The following TMEM108 variants were observed in gnomAD, a reference collection of about 807,000 sequenced individuals.
The protein encoded by TMEM108 is cancer/testis antigen 124.
TMEM108 carries 12 observed loss-of-function variants against 35.1 expected under a neutral mutation model. The observed-to-expected ratio is 0.34, with a 90% CI of 0.22 to 0.55. TMEM108 has a LOEUF of 0.55. Ranked by LOEUF, TMEM108 falls within the 20% of genes least tolerant of loss-of-function variation. TMEM108 has a pLI of 0.89. For missense variants in TMEM108, 680 were observed against 753.3 expected, an observed-to-expected ratio of 0.90 and a Z score of 1.14; for synonymous variants, 287 against 308.6, an observed-to-expected ratio of 0.93 and a Z score of 0.73.
intron 3 of TMEM108, among the ~76,000 whole-genome samples, chr3:133,241,702 G>A (rs1022776619): frequency 7.4e-6 from 1 of 135,276 alleles, no homozygotes; most frequent in African/African-American, 2.8e-5. Context: ...TGCAACCTCT[G>A]TCTCCCAGGT....
intron 2 of TMEM108, among the ~76,000 whole-genome samples, chr3:133,092,460 T>A (rs931090506): frequency 6.7e-6 from 1 of 149,830 alleles, no homozygotes; most frequent in African/African-American, 2.4e-5. Flanking sequence ...TAAAATATTA[T>A]AATAACTCAC....
rs115913412 is a variant in TMEM108 at position 133,039,651 on chromosome 3, A to G, written c.-166+1216A>G. Among the ~76,000 whole-genome samples the G allele has an allele frequency of 2.5e-3, 381 of 152,292 alleles. 1 individual carries two copies. Among genetic ancestry groups the G allele is most frequent in the Non-Finnish European group, 4.5e-3 (304 of 68,024 alleles). ...ACGGGTTAACTTCTTGATTTGTTGG[A>G]TACACCTGGTAATCTACTCTGTAAG... On this transcript the variant is annotated intron_variant, in intron 1 of 5. Coordinates refer to ENST00000321871, the MANE Select transcript of TMEM108 (RefSeq NM_023943.4).
intron 5 of TMEM108, 69 bp downstream of exon 5, chr3:133,390,403 C>G: frequency 6.4e-7 from 1 of 1,564,338 alleles, no homozygotes; most frequent in African/African-American, 1.4e-5. Context: ...GGGGCATCTG[C>G]TCATTTCTGA....
At chr3:133,280,043 GCCCCAAA>G (rs1946891264) in intron 3 of TMEM108, among the ~76,000 whole-genome samples, 1 of 152,090 alleles carries the variant, frequency 6.6e-6, no homozygotes, top group African/African-American at 2.4e-5. Flanking sequence ...CATGAAGGAA[GCCCCAAA>G]AGTTAGTGTC....
intron 3 of TMEM108, among the ~76,000 whole-genome samples, chr3:133,231,381 A>G (rs1946151197): frequency 6.6e-6 from 1 of 152,198 alleles, no homozygotes; most frequent in South Asian, 2.1e-4. Flanking sequence ...AGCAGGGCTT[A>G]GCAGAACCTA....
At chr3:133,159,907 T>G (rs570984483) in intron 2 of TMEM108, among the ~76,000 whole-genome samples, 2 of 152,304 alleles carry the variant, frequency 1.3e-5, no homozygotes, top group East Asian at 3.9e-4. Context: ...CTGCTTTGTT[T>G]AAGAGGACCC....
chr3:133,359,706 CATCT>C (rs1230886019), intron 3 of TMEM108, among the ~76,000 whole-genome samples: 1 of 152,130 alleles, frequency 6.6e-6, no homozygotes, highest in Non-Finnish European at 1.5e-5. Context: ...TCAATTAATC[CATCT>C]GTCAGTCAAC....
At chr3:133,057,791 C>G (rs1380782934) in intron 2 of TMEM108, among the ~76,000 whole-genome samples, 1 of 152,040 alleles carries the variant, frequency 6.6e-6, no homozygotes, top group Non-Finnish European at 1.5e-5. Flanking sequence ...GAAATATTAT[C>G]TAGTTTAACT....
intron 2 of TMEM108, among the ~76,000 whole-genome samples, chr3:133,088,762 G>A (rs1943913073): frequency 6.6e-6 from 1 of 152,186 alleles, no homozygotes; most frequent in Admixed American, 6.5e-5. Context: ...CATTATGACA[G>A]CCTTGGCATT....
At chr3:133,224,856 C>T (rs1946045421) in intron 2 of TMEM108, among the ~76,000 whole-genome samples, 1 of 151,988 alleles carries the variant, frequency 6.6e-6, no homozygotes, top group African/African-American at 2.4e-5. Flanking sequence ...TCTTAACATT[C>T]ATGGGGCATC....
chr3:133,365,105 A>G (rs1175369864), intron 3 of TMEM108, among the ~76,000 whole-genome samples: 1 of 152,242 alleles, frequency 6.6e-6, no homozygotes, highest in Non-Finnish European at 1.5e-5. Context: ...TCTGAGGGCA[A>G]TAGCTGAAGA....
chr3:133,329,889 T>G (rs2071374460), intron 3 of TMEM108, among the ~76,000 whole-genome samples: 1 of 152,140 alleles, frequency 6.6e-6, no homozygotes, highest in African/African-American at 2.4e-5. Flanking sequence ...TGTGGTTATA[T>G]TCCCTCTACC....
intron 2 of TMEM108, among the ~76,000 whole-genome samples, chr3:133,099,552 C>T (rs1479508321): frequency 6.6e-6 from 1 of 152,186 alleles, no homozygotes; most frequent in East Asian, 1.9e-4. Flanking sequence ...CTTTTATGCT[C>T]CGTTTCCCTT....
intron 3 of TMEM108, among the ~76,000 whole-genome samples, chr3:133,310,520 G>C (rs2071111278): frequency 9.0e-6 from 1 of 110,828 alleles, no homozygotes; most frequent in African/African-American, 3.3e-5. Context: ...GACTAGGATT[G>C]CAACCCCTGC....
At chr3:133,342,555 T>TATATATATATATATATATATATACACAC (rs60991711) in intron 3 of TMEM108, among the ~76,000 whole-genome samples, 8 of 63,424 alleles carry the variant, frequency 1.3e-4, no homozygotes, top group African/African-American at 2.1e-4. Flanking sequence ...TATATATATA[T>TATATATATATATATATATATATACACAC]ACACACACAC....
At chr3:133,205,914 C>T (rs1039697664) in intron 2 of TMEM108, among the ~76,000 whole-genome samples, 6 of 152,154 alleles carry the variant, frequency 3.9e-5, no homozygotes, top group Admixed American at 3.3e-4. Context: ...GTTCCATTCT[C>T]CCCGTCACTT....
At chr3:133,281,411 T>G (rs148442571) in intron 3 of TMEM108, among the ~76,000 whole-genome samples, 1 of 152,362 alleles carries the variant, frequency 6.6e-6, no homozygotes, top group Non-Finnish European at 1.5e-5. Flanking sequence ...TTCAAGAGTA[T>G]GCAGAGTTAT....
intron 2 of TMEM108, among the ~76,000 whole-genome samples, chr3:133,208,013 G>A (rs1327907430): frequency 2.6e-5 from 4 of 152,126 alleles, no homozygotes; most frequent in Non-Finnish European, 5.9e-5. Context: ...TCTTCATTTT[G>A]TTGGTCCTAT....
At chr3:133,181,629 A>G (rs187076622) in intron 2 of TMEM108, among the ~76,000 whole-genome samples, 48 of 152,304 alleles carry the variant, frequency 3.2e-4, no homozygotes, top group African/African-American at 1.1e-3. Flanking sequence ...GCACATTTAA[A>G]TGGAACATAT....
Sources: allele counts gnomAD v4.1 joint callset (sites outside exome capture counted in the v4.1 genomes callset), GRCh38; gene constraint gnomAD v4.1.1; transcripts MANE v1.5; gene names NCBI Gene and HGNC (gene_info 2026-07-23, HGNC 2026-07-21).